The following OSBPL8 variants were observed in gnomAD, a reference collection of about 807,000 sequenced individuals.
OSBPL8 encodes oxysterol binding protein like 8, also known as oxysterol-binding protein-related protein 8.
OSBPL8 carries 59 observed loss-of-function variants against 125.5 expected under a neutral mutation model. That is an observed-to-expected ratio of 0.47 (90% CI 0.38 to 0.58). The LOEUF is 0.58. OSBPL8 is among the 20% of genes least tolerant of loss of function. OSBPL8 has a pLI of 0.00. For synonymous variants in OSBPL8, 330 were observed against 338.9 expected (o/e 0.97, Z 0.29); for missense variants, 758 against 1,047.8 (o/e 0.72, Z 3.82).
At chr12:76,411,010 G>A (rs1285587048) in intron 4 of OSBPL8, among the ~76,000 whole-genome samples, 2 of 152,268 alleles carry the variant, frequency 1.3e-5, no homozygotes, top group African/African-American at 4.8e-5. Context: ...AATTTCAGAC[G>A]AGGTGATGAA....
chr12:76,498,400 T>C (rs1288134977), intron 1 of OSBPL8, among the ~76,000 whole-genome samples: 1 of 152,220 alleles, frequency 6.6e-6, no homozygotes, highest in African/African-American at 2.4e-5. Flanking sequence ...CAATGACTGA[T>C]TAGAGCTGAG....
intron 1 of OSBPL8, among the ~76,000 whole-genome samples, chr12:76,531,872 C>T (rs1034890492): frequency 8.6e-5 from 13 of 152,026 alleles, no homozygotes; most frequent in Non-Finnish European, 1.5e-4. Flanking sequence ...CCCATCTCTA[C>T]TAAATATACA....
chr12:76,382,211 C>A (rs1378582419), intron 15 of OSBPL8, among the ~76,000 whole-genome samples: 1 of 152,040 alleles, frequency 6.6e-6, no homozygotes, highest in African/African-American at 2.4e-5. Flanking sequence ...TTCTATCTGT[C>A]CCCTCTGATT....
chr12:76,525,683 T>C (rs7973764), intron 1 of OSBPL8, among the ~76,000 whole-genome samples: 7,972 of 152,152 alleles, frequency 0.052, 541 homozygotes, highest in African/African-American at 0.16. Flanking sequence ...GAACTGAAAA[T>C]TGAATATTTA....
intron 1 of OSBPL8, among the ~76,000 whole-genome samples, chr12:76,528,688 A>C (rs562567708): frequency 1.1e-4 from 16 of 151,888 alleles, no homozygotes; most frequent in East Asian, 1.9e-4. Flanking sequence ...ACACACACAC[A>C]CCCACACAAC....
chr12:76,356,684 G>A lies in OSBPL8; in HGVS notation c.2479C>T (p.Leu827=), dbSNP rs1951998598. 6.2e-7 allele frequency: 1 copy of A among 1,609,916 alleles called. No homozygotes were observed. The highest frequency in any genetic ancestry group is 1.7e-5 in the Admixed American group (1 of 59,634). ...TCGATGGAACTCTGAATGTCTCCCA[G>A]TTCTATTCCTTTCTTTCTTCTTGTA... The part of the protein sequence containing the change: ...PSTRRKKGIE[L]GDIQSSIESI... Residue 827 remains leucine, a synonymous_variant, in exon 23 of 24, where the codon CTG becomes TTG. Coordinates refer to ENST00000261183, the MANE Select transcript of OSBPL8 (RefSeq NM_020841.5).
chr12:76,390,456 A>G lies in OSBPL8; in HGVS notation c.1131T>C (p.Thr377=), dbSNP rs34457537. Residue 377 remains threonine (T), a synonymous_variant, in exon 11 of 24, where the codon ACT becomes ACC. Transcript: ENST00000261183. ...EPEPVEPLKE[T]TYTEQSHEEL... is the part of the protein sequence containing the mutation. Reference sequence around the variant, plus strand: ...CTTCATGGCTCTGTTCAGTGTAGGTAGTCTCCTTTAAAGGCTCAACAGGCT... The same window carrying G: ...CTTCATGGCTCTGTTCAGTGTAGGTGGTCTCCTTTAAAGGCTCAACAGGCT... 12 of 1,613,652 alleles carry G rather than the reference A, an allele frequency of 7.4e-6. No individual in the cohort carries two copies. In the African/African-American group the frequency reaches 1.2e-4, roughly 16 times the overall value.
intron 8 of OSBPL8, among the ~76,000 whole-genome samples, chr12:76,395,609 T>G (rs368381923): frequency 6.6e-6 from 1 of 152,276 alleles, no homozygotes; most frequent in Non-Finnish European, 1.5e-5. Flanking sequence ...AAAACCAGTA[T>G]ATAGTGGGAC....
rs148089588 is a variant in OSBPL8 at position 76,553,620 on chromosome 12, C to T, written c.-68+5777G>A. On this transcript the variant is annotated intron_variant, in intron 1 of 23. Transcript: ENST00000261183. ...CCTGGGAGGTCGAGGCTGCAGTGAG[C>T]CATGGTAGTGAGTGCCACTGCACTC... 5.2e-3 allele frequency among the ~76,000 whole-genome samples: 785 copies of T among 151,462 alleles called. 6 individuals carry two copies. The highest frequency in any genetic ancestry group is 0.018 in the African/African-American group (757 of 41,246).
intron 1 of OSBPL8, among the ~76,000 whole-genome samples, chr12:76,495,193 T>C (rs1175663692): frequency 6.6e-6 from 1 of 152,222 alleles, no homozygotes; most frequent in East Asian, 1.9e-4. Flanking sequence ...CCTGCCTCAA[T>C]ATTCTAGCTA....
intron 1 of OSBPL8, among the ~76,000 whole-genome samples, chr12:76,520,548 G>GT (rs1331079134): frequency 1.3e-5 from 2 of 152,172 alleles, no homozygotes; most frequent in African/African-American, 4.8e-5. Flanking sequence ...AGGAAGTGAT[G>GT]TTTAAGTTGA....
At chr12:76,473,610 C>T (rs952435867) in intron 2 of OSBPL8, among the ~76,000 whole-genome samples, 3 of 152,194 alleles carry the variant, frequency 2.0e-5, no homozygotes, top group Admixed American at 6.5e-5. Flanking sequence ...ATAACTCTAA[C>T]ATTCAACTGG....
chr12:76,525,424 G>C (rs1473342649), intron 1 of OSBPL8, among the ~76,000 whole-genome samples: 2 of 152,136 alleles, frequency 1.3e-5, no homozygotes, highest in Non-Finnish European at 2.9e-5. Flanking sequence ...ATAAGTCAAA[G>C]AATGTTCAAA....
intron 1 of OSBPL8, among the ~76,000 whole-genome samples, chr12:76,556,718 C>T (rs1458986597): frequency 1.3e-5 from 2 of 152,178 alleles, no homozygotes; most frequent in Non-Finnish European, 2.9e-5. Flanking sequence ...GGCTGGAGTG[C>T]AATGGCATGA....
intron 2 of OSBPL8, among the ~76,000 whole-genome samples, chr12:76,465,278 T>C (rs906994110): frequency 1.3e-5 from 2 of 152,174 alleles, no homozygotes; most frequent in Admixed American, 6.5e-5. Flanking sequence ...AAGCTGTGTC[T>C]GGCCAGGTGC....
chr12:76,363,942 C>T (rs1439275782), intron 21 of OSBPL8, among the ~76,000 whole-genome samples: 1 of 152,102 alleles, frequency 6.6e-6, no homozygotes, highest in Non-Finnish European at 1.5e-5. Context: ...AAATCAAAAC[C>T]ACAATGAGAT....
At chr12:76,529,101 T>C (rs1950264852) in intron 1 of OSBPL8, among the ~76,000 whole-genome samples, 1 of 96,754 alleles carries the variant, frequency 1.0e-5, no homozygotes, top group South Asian at 2.7e-4. Flanking sequence ...TAAAATATCA[T>C]TATGAATTTC....
At chr12:76,362,701 G>T (rs1952253237) in intron 21 of OSBPL8, among the ~76,000 whole-genome samples, 1 of 152,160 alleles carries the variant, frequency 6.6e-6, no homozygotes, top group African/African-American at 2.4e-5. Flanking sequence ...GCAAGAGAAA[G>T]AAATAGAGGG....
chr12:76,480,996 G>C (rs1719215789), intron 2 of OSBPL8, among the ~76,000 whole-genome samples: 1 of 152,146 alleles, frequency 6.6e-6, no homozygotes. Context: ...GGAAGCAAGA[G>C]GGCCTAAATG....
Sources: allele counts gnomAD v4.1 joint callset (sites outside exome capture counted in the v4.1 genomes callset), GRCh38; gene constraint gnomAD v4.1.1; transcripts MANE v1.5; gene names NCBI Gene and HGNC (gene_info 2026-07-23, HGNC 2026-07-21).